The following ZNF521 variants were observed in gnomAD, a reference collection of about 807,000 sequenced individuals.
ZNF521 encodes the protein LYST-interacting protein 3.
A neutral mutation model predicts 105.5 loss-of-function variants in ZNF521; 14 were observed. That is an observed-to-expected ratio of 0.13 (90% CI 0.09 to 0.21). The LOEUF (loss-of-function observed/expected upper bound fraction) is 0.21, where lower values mean the gene tolerates loss of function less well. ZNF521 is among the 10% of genes least tolerant of loss of function. The probability of loss-of-function intolerance (pLI) is 1.00; values close to 1 mark genes in which losing one functional copy is unlikely to be tolerated. For missense variants in ZNF521, 1,233 were observed against 1,629.7 expected, an observed-to-expected ratio of 0.76 and a Z score of 4.19; for synonymous variants, 635 against 606.0, an observed-to-expected ratio of 1.05 and a Z score of -0.70.
intron 7 of ZNF521, among the ~76,000 whole-genome samples, chr18:25,084,502 A>G (rs1156596499): frequency 7.0e-6 from 1 of 143,094 alleles, no homozygotes; most frequent in Non-Finnish European, 1.6e-5. Flanking sequence ...TTTAAACCTT[A>G]GTGATTTCTG....
intron 7 of ZNF521, among the ~76,000 whole-genome samples, chr18:25,073,644 G>A (rs923712574): frequency 3.9e-5 from 6 of 152,320 alleles, no homozygotes; most frequent in East Asian, 1.9e-4. Flanking sequence ...TAGGAAGAAG[G>A]AGGGAGCCAA....
intron 7 of ZNF521, among the ~76,000 whole-genome samples, chr18:25,086,629 C>T (rs777940879): frequency 2.6e-5 from 4 of 152,056 alleles, no homozygotes; most frequent in Non-Finnish European, 5.9e-5. Context: ...ATCACATACT[C>T]ACCATAAATA....
intron 5 of ZNF521, among the ~76,000 whole-genome samples, chr18:25,122,096 G>T (rs2034454594): frequency 6.6e-6 from 1 of 152,094 alleles, no homozygotes; most frequent in Admixed American, 6.5e-5. Flanking sequence ...AACACTGAAG[G>T]TGTTCAATAG....
chr18:25,198,883 A>G (rs1488451663), intron 4 of ZNF521, among the ~76,000 whole-genome samples: 1 of 151,956 alleles, frequency 6.6e-6, no homozygotes, highest in Non-Finnish European at 1.5e-5. Context: ...GGTTATTCTG[A>G]GATACTCAAA....
intron 5 of ZNF521, among the ~76,000 whole-genome samples, chr18:25,149,209 G>A (rs548737119): frequency 6.6e-6 from 1 of 152,250 alleles, no homozygotes; most frequent in African/African-American, 2.4e-5. Flanking sequence ...CCCTCCATGC[G>A]GTATGAAGGG....
At chr18:25,063,759 C>T (rs561642473) in intron 7 of ZNF521, among the ~76,000 whole-genome samples, 51 of 152,290 alleles carry the variant, frequency 3.3e-4, no homozygotes, top group Non-Finnish European at 6.0e-4. Context: ...ATGGCCTGAT[C>T]TCCACTCTCC....
Position 25,350,963 on chromosome 18 carries a change from T to C in ZNF521, c.-1-16A>G, listed in dbSNP as rs1368596704. The C allele has an allele frequency of 2.6e-6, 4 of 1,545,686 alleles. No homozygotes were observed. Among genetic ancestry groups the C allele is most frequent in the Non-Finnish European group, 3.5e-6 (4 of 1,144,256 alleles). On this transcript the variant is annotated splice_polypyrimidine_tract_variant and intron_variant, in intron 1 of 7. Coordinates refer to ENST00000361524, the MANE Select transcript of ZNF521 (RefSeq NM_015461.3). The stretch of plus-strand genomic sequence containing the variant: ...GCGAGACATCCTAAAAGCAAACAGC[T>C]GAAGTTGTTTCAATTCAGCCCTGAA...
At chr18:25,100,917 T>C (rs1286336121) in intron 5 of ZNF521, among the ~76,000 whole-genome samples, 1 of 152,200 alleles carries the variant, frequency 6.6e-6, no homozygotes, top group Non-Finnish European at 1.5e-5. Flanking sequence ...GGAGGCTCAA[T>C]TTAAGTTGGC....
intron 5 of ZNF521, among the ~76,000 whole-genome samples, chr18:25,125,723 C>CT (rs34007183): frequency 0.013 from 1,887 of 147,104 alleles, 29 homozygotes; most frequent in African/African-American, 0.035. Context: ...TTCAAAACTG[C>CT]TTTTTTTTTT....
In ZNF521 at chr18:25,065,028, C is replaced by A. The variant is rs535562152; in HGVS notation, c.3907-2287G>T. On this transcript the variant is annotated intron_variant, in intron 7 of 7. Coordinates refer to ENST00000361524, the MANE Select transcript of ZNF521 (RefSeq NM_015461.3). ...AAGGGTAATAAAAGTACTAATGAGA[C>A]CGAAAAACTTTGCTATTTTCTGAAA... 2.0e-5 allele frequency among the ~76,000 whole-genome samples: 3 copies of A among 152,178 alleles called. No homozygotes were observed. In the East Asian group the frequency reaches 5.8e-4, roughly 29 times the overall value.
chr18:25,214,895 C>G (rs2036254164), intron 4 of ZNF521, among the ~76,000 whole-genome samples: 1 of 151,912 alleles, frequency 6.6e-6, no homozygotes. Flanking sequence ...GAGTGACTGC[C>G]CTAACAGGTT....
rs1053265969 is a variant in ZNF521, at chr18:25,062,402, T to G, written c.*310A>C. On this transcript the variant is annotated 3_prime_UTR_variant, in exon 8 of 8. Transcript: ENST00000361524. ...TTTCTTCCTTAAAAATACTTTATCT[T>G]AAGCCATTTTGGTCATAGTCTTTTT... is the stretch of plus-strand genomic sequence containing the variant. 8 of 334,278 alleles carry G rather than the reference T, an allele frequency of 2.4e-5. No homozygotes were observed. Among genetic ancestry groups the G allele is most frequent in the Admixed American group, 2.0e-4 (4 of 20,216 alleles). 20.7% of individuals were successfully genotyped at this position (334,278 alleles called of 1,614,324 possible).
At chr18:25,266,780 G>C (rs920337797) in intron 3 of ZNF521, among the ~76,000 whole-genome samples, 2 of 152,184 alleles carry the variant, frequency 1.3e-5, no homozygotes, top group African/African-American at 4.8e-5. Context: ...CCTCCTGGGG[G>C]TGCCTACGCC....
rs560822934 is a variant in ZNF521 at position 25,223,106 on chromosome 18, C to T, written c.3573+1239G>A. Among the ~76,000 whole-genome samples, 21 of 152,282 alleles carry T rather than the reference C, an allele frequency of 1.4e-4. No homozygotes were observed. In the South Asian group the frequency reaches 4.4e-3, roughly 32 times the overall value. ...AAACCCTCATTTCATATGCTTTTAA[C>T]TACTAATATTTGTTTCAAAAGAAAC... On this transcript the variant is annotated intron_variant, in intron 4 of 7. Transcript: ENST00000361524.
intron 2 of ZNF521, among the ~76,000 whole-genome samples, chr18:25,346,109 T>C (rs979114389): frequency 6.6e-6 from 1 of 152,180 alleles, no homozygotes; most frequent in African/African-American, 2.4e-5. Context: ...GAAAGCCATA[T>C]TGCAATTCTT....
chr18:25,157,880 G>C (rs2035176537), intron 5 of ZNF521, among the ~76,000 whole-genome samples: 1 of 151,922 alleles, frequency 6.6e-6, no homozygotes, highest in Admixed American at 6.6e-5. Flanking sequence ...GCCTCCAGAG[G>C]AGCTGGGATT....
At chr18:25,091,528 T>C (rs2033746236) in intron 6 of ZNF521, among the ~76,000 whole-genome samples, 1 of 152,134 alleles carries the variant, frequency 6.6e-6, no homozygotes, top group Admixed American at 6.5e-5. Flanking sequence ...TGGAGAATGT[T>C]ATGAAATTCT....
intron 3 of ZNF521, among the ~76,000 whole-genome samples, chr18:25,289,733 A>C (rs1910908040): frequency 6.6e-6 from 1 of 152,226 alleles, no homozygotes; most frequent in African/African-American, 2.4e-5. Context: ...TCATTGCCTA[A>C]TTAGGCTGTG....
chr18:25,068,387 G>A (rs1280771193), intron 7 of ZNF521, among the ~76,000 whole-genome samples: 5 of 152,048 alleles, frequency 3.3e-5, no homozygotes, highest in South Asian at 2.1e-4. Flanking sequence ...GAGGATAATC[G>A]GTATGCTCTT....
Sources: gnomAD v4.1 joint callset for allele counts (sites outside exome capture counted in the v4.1 genomes callset) on GRCh38, gnomAD v4.1.1 for gene constraint, MANE v1.5 for transcripts, NCBI Gene and HGNC (gene_info 2026-07-23, HGNC 2026-07-21) for gene names.